ASAP1: variants seen among roughly 807,000 people sequenced by gnomAD.
The protein encoded by ASAP1 is ArfGAP with SH3 domain, ankyrin repeat and PH domain 1.
In ASAP1, 43 loss-of-function variants were observed where a neutral mutation model predicts 145.2. The ratio of observed to expected loss-of-function variants is 0.30; its 90% CI spans 0.23 to 0.38. ASAP1 has a LOEUF of 0.38. ASAP1 is among the 10% of genes least tolerant of loss of function. The probability of loss-of-function intolerance (pLI) is 1.00; values close to 1 mark genes in which losing one functional copy is unlikely to be tolerated. For missense variants in ASAP1, 1,018 were observed against 1,355.3 expected (o/e 0.75, Z 3.91); for synonymous variants, 546 against 515.5 (o/e 1.06, Z -0.80).
intron 7 of ASAP1, among the ~76,000 whole-genome samples, chr8:130,181,602 C>G (rs1304927564): frequency 3.9e-5 from 6 of 152,132 alleles, no homozygotes. Flanking sequence ...CCACTTGTCA[C>G]TGGAATGTAC....
At chr8:130,317,020 C>T (rs1213721490) in intron 3 of ASAP1, among the ~76,000 whole-genome samples, 1 of 151,776 alleles carries the variant, frequency 6.6e-6, no homozygotes, top group East Asian at 1.9e-4. Context: ...GTTCCAGGCC[C>T]TACTATCATT....
intron 3 of ASAP1, among the ~76,000 whole-genome samples, chr8:130,341,188 C>T (rs1825360609): frequency 6.6e-6 from 1 of 152,068 alleles, no homozygotes; most frequent in Non-Finnish European, 1.5e-5. Flanking sequence ...CACCTACCAC[C>T]CACAGCTTGC....
At chr8:130,245,509 C>T (rs752999270) in intron 3 of ASAP1, among the ~76,000 whole-genome samples, 1 of 152,130 alleles carries the variant, frequency 6.6e-6, no homozygotes, top group Admixed American at 6.6e-5. Context: ...ATACCACCTT[C>T]GACCAATATC....
chr8:130,234,470 A>C (rs1466269858), intron 4 of ASAP1, among the ~76,000 whole-genome samples: 1 of 152,116 alleles, frequency 6.6e-6, no homozygotes, highest in African/African-American at 2.4e-5. Flanking sequence ...GGCTGCACCC[A>C]AACTCTGCAT....
intron 13 of ASAP1, among the ~76,000 whole-genome samples, chr8:130,145,067 G>A (rs1296276193): frequency 1.3e-5 from 2 of 152,194 alleles, no homozygotes; most frequent in African/African-American, 4.8e-5. Flanking sequence ...TGAGGTTACT[G>A]CACCCAATGA....
chr8:130,354,711 G>C (rs1335015841), intron 3 of ASAP1, among the ~76,000 whole-genome samples: 1 of 152,086 alleles, frequency 6.6e-6, no homozygotes, highest in East Asian at 1.9e-4. Flanking sequence ...CTTTTTGCTT[G>C]GAAAACACTC....
At chr8:130,180,066 G>T (rs1279656381) in intron 8 of ASAP1, among the ~76,000 whole-genome samples, 1 of 149,054 alleles carries the variant, frequency 6.7e-6, no homozygotes, top group Admixed American at 6.7e-5. Context: ...GGGAGGAGAA[G>T]GGGAAGGGGA....
intron 9 of ASAP1, among the ~76,000 whole-genome samples, chr8:130,171,403 G>A (rs1813586196): frequency 6.6e-6 from 1 of 152,096 alleles, no homozygotes; most frequent in African/African-American, 2.4e-5. Flanking sequence ...TTACAACCAT[G>A]GCAGAAGGCA....
In ASAP1 at chr8:130,054,737, A is replaced by C. The variant is rs866125164; in HGVS notation, c.3384T>G (p.Ser1128=). The C allele has an allele frequency of 5.6e-6, 9 of 1,613,516 alleles. No homozygotes were observed. In the Middle Eastern group the frequency reaches 1.2e-3, roughly 207 times the overall value. The part of the protein sequence containing the change: ...VFPVSFVHIL[S]D The stretch of plus-strand genomic sequence containing the variant: ...CTTAAGGTTCTGCGTTTTGCTAGTC[A>C]GACAGGATATGAACAAAGGACACTG... Residue 1128 remains serine (S), a synonymous_variant, in exon 30 of 30, where the codon TCT becomes TCG. Coordinates refer to ENST00000518721, the MANE Select transcript of ASAP1 (RefSeq NM_018482.4).
At chr8:130,348,172 C>T (rs1295308151) in intron 3 of ASAP1, among the ~76,000 whole-genome samples, 1 of 152,160 alleles carries the variant, frequency 6.6e-6, no homozygotes, top group Non-Finnish European at 1.5e-5. Flanking sequence ...GGGTACAATG[C>T]TACAGAAATG....
intron 28 of ASAP1, among the ~76,000 whole-genome samples, chr8:130,058,744 T>C (rs959391716): frequency 5.3e-5 from 8 of 152,198 alleles, no homozygotes; most frequent in Non-Finnish European, 8.8e-5. Flanking sequence ...ACCTGGCTAA[T>C]TGGCAATTTT....
intron 17 of ASAP1, among the ~76,000 whole-genome samples, 162 bp from the exon 18 acceptor site, chr8:130,124,266 T>C (rs2097571369): frequency 6.6e-6 from 1 of 152,250 alleles, no homozygotes; most frequent in Admixed American, 6.5e-5. Context: ...ACTGAGCATC[T>C]ACTACGTGCC....
chr8:130,071,001 G>GA lies in ASAP1; in HGVS notation c.2701+5346_2701+5347insT, dbSNP rs1303018768. Among the ~76,000 whole-genome samples, 3 of 17,792 alleles carry GA rather than the reference G, an allele frequency of 1.7e-4. 1 individual carries two copies. Among genetic ancestry groups the GA allele is most frequent in the African/African-American group, 1.5e-3 (3 of 2,052 alleles). The allele number at this position is 17,792 out of a possible 152,430, so 11.7% of individuals were successfully genotyped here. A position where few individuals can be genotyped will look rare whatever the true frequency, so the allele number is the denominator to read the frequency against. On this transcript the variant is annotated intron_variant, in intron 27 of 29. Transcript: ENST00000518721. ...GGAGGGGGGGAGAGAGAGAGAGAGA[G>GA]GGGAGGGGGGGAGAGAGAGAGAGAG...
intron 3 of ASAP1, among the ~76,000 whole-genome samples, chr8:130,249,335 C>A (rs1267123589): frequency 6.6e-6 from 1 of 152,206 alleles, no homozygotes; most frequent in Non-Finnish European, 1.5e-5. Context: ...CCAACCCACC[C>A]TTGTCACTGT....
chr8:130,252,055 T>A (rs1015820707), intron 3 of ASAP1, among the ~76,000 whole-genome samples: 1 of 152,156 alleles, frequency 6.6e-6, no homozygotes. Context: ...ATGTTCTAAA[T>A]CATCATTAGC....
chr8:130,157,368 C>T (rs1026379362), intron 12 of ASAP1, among the ~76,000 whole-genome samples: 1 of 152,154 alleles, frequency 6.6e-6, no homozygotes, highest in Non-Finnish European at 1.5e-5. Context: ...ATCAGCAAGT[C>T]CTGCTGCCCC....
intron 3 of ASAP1, among the ~76,000 whole-genome samples, chr8:130,275,458 G>GGCGTCCCAGCGC (rs1174241471): frequency 2.0e-5 from 3 of 152,190 alleles, no homozygotes; most frequent in Non-Finnish European, 2.9e-5. Flanking sequence ...AGTCCCCTGA[G>GGCGTCCCAGCGC]GCGTCCCAGC....
chr8:130,103,166 T>C (rs1274292606), intron 24 of ASAP1, among the ~76,000 whole-genome samples: 4 of 152,180 alleles, frequency 2.6e-5, no homozygotes, highest in African/African-American at 7.2e-5. Flanking sequence ...CAGGAATTTG[T>C]CCATTTCCTC....
intron 6 of ASAP1, 54 bp from the exon 7 acceptor site, chr8:130,187,339 T>C: frequency 7.1e-7 from 1 of 1,410,470 alleles, no homozygotes; most frequent in Non-Finnish European, 9.9e-7. Flanking sequence ...TGAAAATTAA[T>C]AAATAGTTTT....
Sources: gnomAD v4.1 joint callset for allele counts (sites outside exome capture counted in the v4.1 genomes callset) on GRCh38, gnomAD v4.1.1 for gene constraint, MANE v1.5 for transcripts, NCBI Gene and HGNC (gene_info 2026-07-23, HGNC 2026-07-21) for gene names.